The following CCM2L variants were observed in gnomAD, a reference collection of about 807,000 sequenced individuals.
CCM2L encodes cerebral cavernous malformations 2 protein-like.
In CCM2L, 36 loss-of-function variants were observed where a neutral mutation model predicts 54.1. That is an observed-to-expected ratio of 0.67 (90% CI 0.51 to 0.88). CCM2L has a LOEUF of 0.88. Ranked by LOEUF, CCM2L falls within the 40% of genes least tolerant of loss-of-function variation. CCM2L has a pLI of 0.00. For missense variants in CCM2L, 700 were observed against 812.1 expected, an observed-to-expected ratio of 0.86 and a Z score of 1.68; for synonymous variants, 351 against 359.3, an observed-to-expected ratio of 0.98 and a Z score of 0.26.
rs533444431 is a variant in CCM2L at position 32,031,158 on chromosome 20, C to A, written c.1560C>A (p.Gly520=). 1 of 1,302,780 alleles carries A rather than the reference C, an allele frequency of 7.7e-7. No individual in the cohort carries two copies. The highest frequency in any genetic ancestry group is 1.2e-5 in the South Asian group (1 of 80,966). The allele number at this position is 1,302,780 out of a possible 1,614,324, so 80.7% of individuals were successfully genotyped here. The change falls in exon 10 of 10, where the codon GGC becomes GGA. Residue 520 remains glycine (G), a synonymous_variant. Transcript: ENST00000452892. The part of the protein sequence containing the change: ...TSASAVRSYD[G]AAQRPEAQAF... ...CCTCCGCAGTGCGCAGCTACGATGG[C>A]GCGGCGCAGCGGCCCGAGGCACAGG... is the stretch of plus-strand genomic sequence containing the variant.
intron 6 of CCM2L, among the ~76,000 whole-genome samples, chr20:32,024,829 A>G (rs551251541): frequency 3.3e-5 from 5 of 152,354 alleles, no homozygotes; most frequent in Non-Finnish European, 7.3e-5. Flanking sequence ...CTCTGCCTCA[A>G]AATAAATAAA....
intron 6 of CCM2L, among the ~76,000 whole-genome samples, 190 bp from the exon 7 acceptor site, chr20:32,025,666 G>A (rs907941277): frequency 6.6e-6 from 1 of 152,176 alleles, no homozygotes; most frequent in Non-Finnish European, 1.5e-5. Flanking sequence ...TAGGTGGGGG[G>A]TGGTATTGTC....
intron 1 of CCM2L, among the ~76,000 whole-genome samples, chr20:32,014,257 A>AT (rs1430035207): frequency 5.3e-4 from 72 of 137,054 alleles, no homozygotes; most frequent in African/African-American, 1.9e-3. Flanking sequence ...ATATATATAT[A>AT]TATATTTTTT....
chr20:32,011,689 C>T (rs1463031155), intron 1 of CCM2L, among the ~76,000 whole-genome samples: 5 of 152,046 alleles, frequency 3.3e-5, no homozygotes, highest in African/African-American at 1.2e-4. Flanking sequence ...GAGTCGAGAA[C>T]TGACGGGTGG....
chr20:32,018,875 G>A, intron 4 of CCM2L, 68 bp from the exon 5 acceptor site: 1 of 1,241,420 alleles, frequency 8.1e-7, no homozygotes, highest in East Asian at 3.3e-5. Context: ...TGGCCAGCCG[G>A]CCTCGGCGGG....
chr20:32,028,133 A>G (rs1253975170), intron 7 of CCM2L: 4 of 152,236 alleles, frequency 2.6e-5, no homozygotes, highest in Non-Finnish European at 5.9e-5. Flanking sequence ...TAGAGGGAAC[A>G]GCAAATGTAA....
chr20:32,013,322 T>G (rs2064709662), intron 1 of CCM2L, among the ~76,000 whole-genome samples: 1 of 151,988 alleles, frequency 6.6e-6, no homozygotes, highest in South Asian at 2.1e-4. Flanking sequence ...AATAAAAAAT[T>G]TTATGCCTGG....
Position 32,029,859 on chromosome 20 carries a change from C to T in CCM2L, c.1402+21C>T, listed in dbSNP as rs1051263534. ...CCTTGGTGAGCCCCCGCTGTACCCCCAGAGGTCAGCTAGGGCCCCTGCTTG... is the reference window on the plus strand; with the variant it reads ...CCTTGGTGAGCCCCCGCTGTACCCCTAGAGGTCAGCTAGGGCCCCTGCTTG... On this transcript the variant is annotated intron_variant, in intron 9 of 9. Coordinates refer to ENST00000452892, the MANE Select transcript of CCM2L (RefSeq NM_001365692.1). 3.2e-6 allele frequency: 5 copies of T among 1,574,518 alleles called. No individual in the cohort carries two copies. The African/African-American group carries it at 4.1e-5, about 13-fold the overall frequency.
At chr20:32,026,048 GGTAAA>G in intron 7 of CCM2L, 129 bp downstream of exon 7, 2 of 593,506 alleles carry the variant, frequency 3.4e-6, no homozygotes, top group Non-Finnish European at 5.5e-6. Context: ...AAGAGGGGGA[GGTAAA>G]CTGAGCTCCC....
intron 1 of CCM2L, among the ~76,000 whole-genome samples, chr20:32,013,832 C>T (rs557558800): frequency 1.1e-4 from 16 of 152,288 alleles, no homozygotes; most frequent in Non-Finnish European, 1.9e-4. Flanking sequence ...GTATCAGAAG[C>T]ACCTGGTGGG....
At chr20:32,028,759 C>A in intron 7 of CCM2L, 2 of 532,098 alleles carry the variant, frequency 3.8e-6, no homozygotes, top group Non-Finnish European at 6.7e-6. Flanking sequence ...TGCAAACACC[C>A]AGAGGTGAGG....
At position 32,028,974 on chromosome 20, in the gene CCM2L, C is replaced by G. The variant is rs772486395; in HGVS notation, c.1134-21C>G. On this transcript the variant is annotated intron_variant, in intron 7 of 9. Coordinates refer to ENST00000452892, the MANE Select transcript of CCM2L (RefSeq NM_001365692.1). ...GGAGCTGGAGGGAGGCGAGTGAAGG[C>G]CCTTCTTCCCGTGCCTGCAGTAATG... 3 of 1,613,448 alleles carry G rather than the reference C, an allele frequency of 1.9e-6. No individual in the cohort carries two copies. The Admixed American group carries it at 5.0e-5, about 27-fold the overall frequency.
chr20:32,031,958 G>GGTCTTAAGA lies in CCM2L; in HGVS notation c.*645_*653dup, dbSNP rs2064935155. On this transcript the variant is annotated 3_prime_UTR_variant, in exon 10 of 10. Coordinates refer to ENST00000452892, the MANE Select transcript of CCM2L (RefSeq NM_001365692.1). ...AGGGGGATGATCTGGGTCCCATTCT[G>GGTCTTAAGA]GTCTTAAGACCCCAAACAAGGGTTT... is the stretch of plus-strand genomic sequence containing the variant. 6.6e-6 allele frequency: 1 copy of GGTCTTAAGA among 152,044 alleles called. No individual in the cohort carries two copies. The highest frequency in any genetic ancestry group is 2.4e-5 in the African/African-American group (1 of 41,374). The allele number at this position is 152,044 out of a possible 1,614,324, so 9.4% of individuals were successfully genotyped here.
At chr20:32,011,680 A>G (rs2064696856) in intron 1 of CCM2L, among the ~76,000 whole-genome samples, 1 of 152,144 alleles carries the variant, frequency 6.6e-6, no homozygotes, top group Middle Eastern at 3.2e-3. Context: ...GATCAGTTTG[A>G]GTCGAGAACT....
At chr20:32,029,656 G>C in intron 8 of CCM2L, 44 bp from the exon 9 acceptor site, 5 of 1,562,376 alleles carry the variant, frequency 3.2e-6, no homozygotes, top group Non-Finnish European at 4.3e-6. Flanking sequence ...GGGTTGGGTG[G>C]CGCTGCTTCC....
intron 2 of CCM2L, among the ~76,000 whole-genome samples, chr20:32,015,317 T>C (rs1005590613): frequency 2.0e-5 from 3 of 151,794 alleles, no homozygotes; most frequent in Admixed American, 2.0e-4. Flanking sequence ...GATGGGAGAG[T>C]GTTCTGTGCG....
chr20:32,018,290 G>C (rs1051977119), intron 4 of CCM2L, 128 bp downstream of exon 4: 1 of 742,420 alleles, frequency 1.3e-6, no homozygotes, highest in Non-Finnish European at 2.0e-6. Flanking sequence ...AGGGACCTGC[G>C]GCGGGGGCAG....
intron 1 of CCM2L, among the ~76,000 whole-genome samples, chr20:32,011,045 C>T (rs1416773069): frequency 1.3e-5 from 2 of 152,170 alleles, no homozygotes; most frequent in African/African-American, 4.8e-5. Flanking sequence ...GGGTGTCTCA[C>T]CTGGTTGTCT....
At chr20:32,027,004 G>A (rs1463194850) in intron 7 of CCM2L, among the ~76,000 whole-genome samples, 1 of 152,184 alleles carries the variant, frequency 6.6e-6, no homozygotes, top group Non-Finnish European at 1.5e-5. Flanking sequence ...GCAACATAGG[G>A]AGACCCTGTC....
Sources: allele counts gnomAD v4.1 joint callset (sites outside exome capture counted in the v4.1 genomes callset), GRCh38; gene constraint gnomAD v4.1.1; transcripts MANE v1.5; gene names NCBI Gene and HGNC (gene_info 2026-07-23, HGNC 2026-07-21).